MCC: variants seen among roughly 807,000 people sequenced by gnomAD.
MCC encodes the protein MCC regulator of Wnt signaling pathway, also known as colorectal mutant cancer protein.
In MCC, 90 loss-of-function variants were observed where a neutral mutation model predicts 116.2. That is an observed-to-expected ratio of 0.77 (90% confidence interval 0.65 to 0.92). The LOEUF is 0.92. MCC is among the 40% of genes least tolerant of loss of function. The pLI is 0.00. For synonymous variants in MCC, 578 were observed against 510.5 expected, an observed-to-expected ratio of 1.13 and a Z score of -1.78; for missense variants, 1,516 against 1,312.2, an observed-to-expected ratio of 1.16 and a Z score of -2.40.
Position 113,103,386 on chromosome 5 carries a change from G to A in MCC, c.1191+806C>T, listed in dbSNP as rs144412197. Among the ~76,000 whole-genome samples the A allele has an allele frequency of 1.8e-3, 279 of 152,308 alleles. 3 individuals are homozygous for A. Among genetic ancestry groups the A allele is most frequent in the African/African-American group, 6.5e-3 (269 of 41,560 alleles). On this transcript the variant is annotated intron_variant, in intron 7 of 18. Coordinates refer to ENST00000408903, the MANE Select transcript of MCC (RefSeq NM_001085377.2). ...CCTCTCAACTCCGAGGTTGGGGCTAGACCCAAGTTGACATTACAATCAAAT... is the reference window on the plus strand; with the variant it reads ...CCTCTCAACTCCGAGGTTGGGGCTAAACCCAAGTTGACATTACAATCAAAT...
intron 3 of MCC, among the ~76,000 whole-genome samples, chr5:113,245,403 GTTT>G (rs989421797): frequency 1.3e-5 from 2 of 149,826 alleles, no homozygotes; most frequent in African/African-American, 4.9e-5. Flanking sequence ...CAAGTCATCT[GTTT>G]TTTTTTAACC....
chr5:113,151,187 G>C, intron 4 of MCC, 122 bp downstream of exon 4: 1 of 649,274 alleles, frequency 1.5e-6, no homozygotes, highest in Non-Finnish European at 2.7e-6. Flanking sequence ...GACCAAGACA[G>C]AGTATTTGCT....
At chr5:113,380,919 G>A (rs1303283462) in intron 2 of MCC, among the ~76,000 whole-genome samples, 1 of 152,146 alleles carries the variant, frequency 6.6e-6, no homozygotes, top group Non-Finnish European at 1.5e-5. Flanking sequence ...ACTCAGAGTG[G>A]GTGGTGTGCA....
chr5:113,340,524 T>C lies in MCC; in HGVS notation c.622A>G (p.Asn208Asp). The C allele has an allele frequency of 6.2e-7, 1 of 1,614,114 alleles. No individual in the cohort carries two copies. Among genetic ancestry groups the C allele is most frequent in the South Asian group, 1.1e-5 (1 of 91,072 alleles). The change falls in exon 3 of 19, where the codon AAC becomes GAC. Residue 208 changes from asparagine (N) to aspartate (D), a missense_variant. By Grantham distance (23) the Asn-to-Asp change is conservative. Transcript: ENST00000408903. The stretch of plus-strand genomic sequence containing the variant: ...ATGAACCAAAAAGTACTCACTGTGT[T>C]GGCCAGCTCTAGATAGCTTCCTCCT... ...SVGGSYLELANTLHSAALASL... is the reference protein window; with the variant it reads ...SVGGSYLELADTLHSAALASL...
intron 3 of MCC, among the ~76,000 whole-genome samples, chr5:113,321,700 C>T (rs1208945846): frequency 6.6e-6 from 1 of 152,208 alleles, no homozygotes; most frequent in Non-Finnish European, 1.5e-5. Context: ...TCTTCAAATG[C>T]AAAGCCTGGG....
intron 3 of MCC, among the ~76,000 whole-genome samples, chr5:113,168,888 C>T (rs935023845): frequency 6.6e-6 from 1 of 152,108 alleles, no homozygotes; most frequent in African/African-American, 2.4e-5. Context: ...TGACTAGTAG[C>T]AAGCAATAGC....
chr5:113,057,595 G>A (rs1350049356), intron 14 of MCC, among the ~76,000 whole-genome samples: 1 of 152,214 alleles, frequency 6.6e-6, no homozygotes, highest in Non-Finnish European at 1.5e-5. Flanking sequence ...ACTGCAAAGA[G>A]AGCAAAGCGC....
rs535752267 is a variant in MCC, at chr5:113,083,494, G to C, written c.1636-486C>G. 2.0e-5 allele frequency among the ~76,000 whole-genome samples: 3 copies of C among 152,280 alleles called. No individual in the cohort carries two copies. In the East Asian group the frequency reaches 5.8e-4, roughly 29 times the overall value. On this transcript the variant is annotated intron_variant, in intron 10 of 18. Coordinates refer to ENST00000408903, the MANE Select transcript of MCC (RefSeq NM_001085377.2). ...AATTAGGGCCTTAAAATGCTATTCA[G>C]GCTCTCTCTGCCTCTGAGGATCAAA...
intron 1 of MCC, among the ~76,000 whole-genome samples, chr5:113,388,573 C>A (rs576465966): frequency 1.3e-5 from 2 of 152,242 alleles, no homozygotes; most frequent in East Asian, 1.9e-4. Context: ...AGGCCTGACA[C>A]CTCCTCCCCC....
At chr5:113,271,441 T>G (rs749592709) in intron 3 of MCC, among the ~76,000 whole-genome samples, 1 of 152,252 alleles carries the variant, frequency 6.6e-6, no homozygotes, top group Non-Finnish European at 1.5e-5. Flanking sequence ...AGGTTCCTTA[T>G]GATCAGTCAT....
chr5:113,468,986 C>T (rs1357387048), intron 1 of MCC, among the ~76,000 whole-genome samples: 4 of 151,988 alleles, frequency 2.6e-5, no homozygotes, highest in Non-Finnish European at 2.9e-5. Context: ...GTTTATAGTA[C>T]TCTCTGATGG....
chr5:113,171,258 T>G (rs1761056492), intron 3 of MCC, among the ~76,000 whole-genome samples: 1 of 151,558 alleles, frequency 6.6e-6, no homozygotes, highest in South Asian at 2.1e-4. Flanking sequence ...CTTGGGTACT[T>G]ATGAGTTTAC....
chr5:113,139,650 TTGG>T (rs1462857498), intron 5 of MCC, among the ~76,000 whole-genome samples: 8 of 152,210 alleles, frequency 5.3e-5, no homozygotes, highest in Admixed American at 1.3e-4. Context: ...TTTTACACTG[TTGG>T]TGGGAGTGTA....
intron 1 of MCC, among the ~76,000 whole-genome samples, chr5:113,444,843 T>C (rs561957107): frequency 7.2e-5 from 11 of 152,302 alleles, no homozygotes; most frequent in African/African-American, 2.2e-4. Context: ...ACAACAACAA[T>C]AGTAATTTAA....
At position 113,184,472 on chromosome 5, in the gene MCC, G is replaced by GTTTTTT. The variant is rs200787776; in HGVS notation, c.628-33056_628-33051dup. On this transcript the variant is annotated intron_variant, in intron 3 of 18. Transcript: ENST00000408903. ...ACATAGCAATTTAGTTTCTTTCTTC[G>GTTTTTT]TTTTTTGTTTTTTTTTTTTTTTTTT... Among the ~76,000 whole-genome samples the GTTTTTT allele has an allele frequency of 3.5e-4, 43 of 123,812 alleles. 3 individuals are homozygous for GTTTTTT. Among genetic ancestry groups the GTTTTTT allele is most frequent in the African/African-American group, 4.7e-4 (15 of 31,678 alleles). 81.2% of individuals were successfully genotyped at this position (123,812 alleles called of 152,430 possible). A position where few individuals can be genotyped will look rare whatever the true frequency, so the allele number is the denominator to read the frequency against.
At chr5:113,232,512 G>A (rs1013348361) in intron 3 of MCC, among the ~76,000 whole-genome samples, 38 of 151,966 alleles carry the variant, frequency 2.5e-4, no homozygotes, top group African/African-American at 7.5e-4. Context: ...TTCTGAATTC[G>A]CACGCCCAAA....
At chr5:113,221,140 G>T (rs1763537532) in intron 3 of MCC, among the ~76,000 whole-genome samples, 1 of 152,214 alleles carries the variant, frequency 6.6e-6, no homozygotes, top group Non-Finnish European at 1.5e-5. Flanking sequence ...GGAAGTCAAG[G>T]CTGCAGTGAG....
chr5:113,054,683 C>G (rs542395369), intron 14 of MCC, among the ~76,000 whole-genome samples: 4 of 152,344 alleles, frequency 2.6e-5, no homozygotes, highest in African/African-American at 4.8e-5. Context: ...CTGGCCTTCA[C>G]AGGATAGTCT....
rs563290202 is a variant in MCC, at chr5:113,023,205, T to G, written c.*4097A>C. On this transcript the variant is annotated 3_prime_UTR_variant, in exon 19 of 19. Coordinates refer to ENST00000408903, the MANE Select transcript of MCC (RefSeq NM_001085377.2). ...CTTCTGAAGGCCACAAGTTTGGAGCTTACTTTAACCTGACCTACATGAACA... is the reference window on the plus strand; with the variant it reads ...CTTCTGAAGGCCACAAGTTTGGAGCGTACTTTAACCTGACCTACATGAACA... The G allele has an allele frequency of 2.6e-5, 4 of 152,360 alleles. No homozygotes were observed. In the South Asian group the frequency reaches 8.3e-4, roughly 32 times the overall value. The allele number at this position is 152,360 out of a possible 1,614,324, so 9.4% of individuals were successfully genotyped here.
Sources: gnomAD v4.1 joint callset for allele counts (sites outside exome capture counted in the v4.1 genomes callset) on GRCh38, gnomAD v4.1.1 for gene constraint, MANE v1.5 for transcripts, NCBI Gene and HGNC (gene_info 2026-07-23, HGNC 2026-07-21) for gene names.